GSN: variants seen among roughly 807,000 people sequenced by gnomAD.
GSN encodes actin-depolymerizing factor.
A neutral mutation model predicts 85.7 loss-of-function variants in GSN; 56 were observed. The observed-to-expected ratio is 0.65, with a 90% CI of 0.53 to 0.82. The LOEUF is 0.82. Ranked by LOEUF, GSN falls within the 40% of genes least tolerant of loss-of-function variation. The pLI is 0.00. For missense variants in GSN, 857 were observed against 979.8 expected, an observed-to-expected ratio of 0.87 and a Z score of 1.67; for synonymous variants, 373 against 399.1, an observed-to-expected ratio of 0.93 and a Z score of 0.78.
chr9:121,328,666 T>C (rs1392114993), intron 14 of GSN, among the ~76,000 whole-genome samples: 1 of 152,156 alleles, frequency 6.6e-6, no homozygotes, highest in Non-Finnish European at 1.5e-5. Context: ...CCAATAGTGG[T>C]CCTGGCTGTG....
Position 121,326,850 on chromosome 9 carries a change from TC to T in GSN, c.1587+174del, listed in dbSNP as rs900161971. Reference sequence around the variant, plus strand: ...GGCCACAGGGTTGTCTGTCTTAGACTCCCCCCTGTTTCAAGGATACCCAGTG... The same window carrying T: ...GGCCACAGGGTTGTCTGTCTTAGACTCCCCCTGTTTCAAGGATACCCAGTG... On this transcript the variant is annotated intron_variant, in intron 13 of 17. Transcript: ENST00000432226. The T allele has an allele frequency of 5.1e-6, 4 of 781,862 alleles. 1 individual carries two copies. The highest frequency in any genetic ancestry group is 2.8e-5 in the South Asian group (2 of 72,396). The allele number at this position is 781,862 out of a possible 1,614,324, so 48.4% of individuals were successfully genotyped here. A position where few individuals can be genotyped will look rare whatever the true frequency, so the allele number is the denominator to read the frequency against.
At chr9:121,265,933 C>T (rs2055188485), upstream of GSN, among the ~76,000 whole-genome samples, 1 of 152,160 alleles carries the variant, frequency 6.6e-6, no homozygotes, top group Admixed American at 6.5e-5. Flanking sequence ...TAAAGCAAAG[C>T]ACCAGGAGAT....
chr9:121,216,887 T>G (rs1400712076), intron 4 of GSN, among the ~76,000 whole-genome samples: 3 of 152,238 alleles, frequency 2.0e-5, no homozygotes, highest in Admixed American at 6.5e-5. Context: ...TGCATTCTTC[T>G]GAGGGTTGGT....
chr9:121,232,217 G>C (rs2054404170), intron 5 of GSN, among the ~76,000 whole-genome samples: 1 of 152,202 alleles, frequency 6.6e-6, no homozygotes, highest in Non-Finnish European at 1.5e-5. Context: ...TCAGGGACTG[G>C]ACCTGCTTCA....
At chr9:121,270,947 G>A (rs2055850606) in intron 1 of GSN, among the ~76,000 whole-genome samples, 1 of 152,182 alleles carries the variant, frequency 6.6e-6, no homozygotes, top group South Asian at 2.1e-4. Context: ...AGAGAAGTTA[G>A]AAGCACTGAC....
In GSN at chr9:121,227,903, G is replaced by A. The variant is rs1174431598; in HGVS notation, c.-527-3262G>A. On this transcript the variant is annotated intron_variant, in intron 4 of 24. Coordinates refer to the GSN transcript ENST00000373823. ...AATTCTGGCTCCAGCACCCCACATG[G>A]ATTCATCCCAGCTTCAGCCTGGACA... 2.0e-5 allele frequency among the ~76,000 whole-genome samples: 3 copies of A among 152,144 alleles called. No individual in the cohort carries two copies. In the East Asian group the frequency reaches 5.8e-4, roughly 29 times the overall value.
chr9:121,327,045 T>A, intron 13 of GSN: 1 of 670,636 alleles, frequency 1.5e-6, no homozygotes, highest in South Asian at 1.5e-5. Flanking sequence ...AATGGGACTC[T>A]CACCTCCTTT....
chr9:121,227,491 G>A (rs1483337962), intron 4 of GSN, among the ~76,000 whole-genome samples: 1 of 152,172 alleles, frequency 6.6e-6, no homozygotes, highest in Non-Finnish European at 1.5e-5. Context: ...GTAGGTGGTA[G>A]TGGGAGCCTC....
intron 4 of GSN, among the ~76,000 whole-genome samples, chr9:121,220,392 A>C (rs928111432): frequency 1.3e-5 from 1 of 78,998 alleles, no homozygotes; most frequent in Non-Finnish European, 3.5e-5. Flanking sequence ...CCTCTCAGAG[A>C]TCACAGTAGG....
chr9:121,250,353 T>C (rs7855852), intron 6 of GSN, among the ~76,000 whole-genome samples: 72,201 of 151,466 alleles, frequency 0.48, 18,272 homozygotes, highest in East Asian at 0.75. Flanking sequence ...TACAGGTGCC[T>C]GCCACTACAC....
chr9:121,301,354 C>T (rs1183017513), intron 2 of GSN, among the ~76,000 whole-genome samples: 1 of 152,142 alleles, frequency 6.6e-6, no homozygotes, highest in East Asian at 1.9e-4. Context: ...AGGCTGGGCG[C>T]GGTGGCTCAC....
intron 7 of GSN, among the ~76,000 whole-genome samples, chr9:121,316,767 G>A (rs761847007): frequency 5.3e-5 from 8 of 152,124 alleles, no homozygotes; most frequent in South Asian, 2.1e-4. Context: ...CACTGTAACC[G>A]GCCTCTTCTC....
chr9:121,328,831 A>T, intron 14 of GSN, 60 bp from the exon 15 acceptor site: 2 of 1,585,982 alleles, frequency 1.3e-6, no homozygotes. Flanking sequence ...CCAGGGTCCG[A>T]TGAGATGGGA....
At chr9:121,242,193 A>G (rs12343145) in intron 5 of GSN, among the ~76,000 whole-genome samples, 5,614 of 152,332 alleles carry the variant, frequency 0.037, 307 homozygotes, top group Admixed American at 0.14. Flanking sequence ...TAAAAGCTCA[A>G]TAAATGAGCA....
intron 11 of GSN, among the ~76,000 whole-genome samples, chr9:121,321,751 ATTTAT>A (rs1229625548): frequency 6.6e-6 from 1 of 151,890 alleles, no homozygotes; most frequent in Non-Finnish European, 1.5e-5. Context: ...TTATTTATTT[ATTTAT>A]TTTGAGACAG....
At chr9:121,296,046 CCCGGTGTCACCT>C (rs2059185914) in intron 2 of GSN, among the ~76,000 whole-genome samples, 1 of 152,204 alleles carries the variant, frequency 6.6e-6, no homozygotes, top group Non-Finnish European at 1.5e-5. Flanking sequence ...AGAGGGCTTT[CCCGGTGTCACCT>C]CCTGCCCTGG....
chr9:121,249,756 T>A (rs1256887319), intron 6 of GSN, among the ~76,000 whole-genome samples: 3 of 152,190 alleles, frequency 2.0e-5, no homozygotes, highest in African/African-American at 7.2e-5. Context: ...TCTGCCCTGG[T>A]CACCAGTGAT....
At chr9:121,281,442 G>A in intron 1 of GSN, 28 bp from the exon 2 acceptor site, 1 of 372,284 alleles carries the variant, frequency 2.7e-6, no homozygotes, top group Admixed American at 3.8e-5. Context: ...TCCCCCTGAG[G>A]CTGACATTCT....
At chr9:121,310,163 G>A (rs1417577324) in intron 4 of GSN, 1 of 171,592 alleles carries the variant, frequency 5.8e-6, no homozygotes, top group Admixed American at 5.5e-5. Context: ...GCAAGCAGGT[G>A]TATTCACCAT....
Sources: gnomAD v4.1 joint callset for allele counts (sites outside exome capture counted in the v4.1 genomes callset) on GRCh38, gnomAD v4.1.1 for gene constraint, MANE v1.5 for transcripts, NCBI Gene and HGNC (gene_info 2026-07-23, HGNC 2026-07-21) for gene names.